ERO1B: variants seen among roughly 807,000 people sequenced by gnomAD.
ERO1B encodes the protein ERO1-like protein beta.
Under a neutral mutation model 75.3 loss-of-function variants are expected in ERO1B, and 49 were observed. The ratio of observed to expected loss-of-function variants is 0.65; its 90% confidence interval spans 0.52 to 0.83. The LOEUF (loss-of-function observed/expected upper bound fraction) is 0.83. Ranked by LOEUF, ERO1B falls within the 40% of genes least tolerant of loss-of-function variation. The probability of loss-of-function intolerance (pLI) is 0.00; values close to 1 mark genes in which losing one functional copy is unlikely to be tolerated. For missense variants in ERO1B, 512 were observed against 560.1 expected, an observed-to-expected ratio of 0.91 and a Z score of 0.87; for synonymous variants, 191 against 192.9, an observed-to-expected ratio of 0.99 and a Z score of 0.08.
intron 4 of ERO1B, among the ~76,000 whole-genome samples, chr1:236,250,751 C>T (rs1023422017): frequency 6.6e-6 from 1 of 151,462 alleles, no homozygotes; most frequent in Non-Finnish European, 1.5e-5. Flanking sequence ...CACACATACA[C>T]ACACACGTTT....
rs1663966509 is a variant in ERO1B, at chr1:236,216,063, A to C, written c.*2453T>G. On this transcript the variant is annotated 3_prime_UTR_variant, in exon 16 of 16. Transcript: ENST00000354619. ...AAGAATCAAAACAGGAGAAACATTC[A>C]AAGTTTACCAATTTTAATATATAGT... 6.6e-6 allele frequency: 1 copy of C among 152,186 alleles called. No homozygotes were observed. 9.4% of individuals were successfully genotyped at this position (152,186 alleles called of 1,614,324 possible).
chr1:236,257,145 G>A (rs144878190), intron 2 of ERO1B, among the ~76,000 whole-genome samples: 83 of 152,268 alleles, frequency 5.5e-4, no homozygotes, highest in East Asian at 4.2e-3. Context: ...CTAATTTCTT[G>A]GAGGCCACTA....
rs920097462 is a variant in ERO1B, at chr1:236,217,266, T to C, written c.*1250A>G. ...TTCTACACAGATGCAATCTTCCAAATTGTATCTGCTGACATTTAAAAAAAA... is the reference window on the plus strand; with the variant it reads ...TTCTACACAGATGCAATCTTCCAAACTGTATCTGCTGACATTTAAAAAAAA... On this transcript the variant is annotated 3_prime_UTR_variant, in exon 16 of 16. Coordinates refer to ENST00000354619, the MANE Select transcript of ERO1B (RefSeq NM_019891.4). The C allele has an allele frequency of 1.3e-5, 2 of 152,094 alleles. No homozygotes were observed. The highest frequency in any genetic ancestry group is 2.1e-4 in the South Asian group (1 of 4,830). 9.4% of individuals were successfully genotyped at this position (152,094 alleles called of 1,614,324 possible).
Position 236,216,893 on chromosome 1 carries a change from G to GA in ERO1B, c.*1622dup, listed in dbSNP as rs1167417143. Reference sequence around the variant, plus strand: ...ACCATACAATACTTGCAACCCTCAAGAAAAAGTAGAGGAGGCTCCAATCAA... The same window carrying GA: ...ACCATACAATACTTGCAACCCTCAAGAAAAAAGTAGAGGAGGCTCCAATCAA... On this transcript the variant is annotated 3_prime_UTR_variant, in exon 16 of 16. Coordinates refer to ENST00000354619, the MANE Select transcript of ERO1B (RefSeq NM_019891.4). The GA allele has an allele frequency of 6.6e-6, 1 of 151,346 alleles. No individual in the cohort carries two copies. The highest frequency in any genetic ancestry group is 1.5e-5 in the Non-Finnish European group (1 of 67,822). The allele number at this position is 151,346 out of a possible 1,614,324, so 9.4% of individuals were successfully genotyped here.
intron 1 of ERO1B, 131 bp from the exon 2 acceptor site, chr1:236,270,125 G>A: frequency 1.6e-6 from 1 of 620,062 alleles, no homozygotes; most frequent in Middle Eastern, 4.6e-4. Flanking sequence ...TAACATTAAA[G>A]CAGTCAACTT....
intron 5 of ERO1B, among the ~76,000 whole-genome samples, chr1:236,245,428 A>G (rs1272529234): frequency 9.4e-5 from 5 of 53,430 alleles, no homozygotes; most frequent in African/African-American, 4.1e-4. Context: ...ATATATACGT[A>G]TATATATACA....
At chr1:236,261,576 C>T (rs1442226417) in intron 2 of ERO1B, among the ~76,000 whole-genome samples, 1 of 152,092 alleles carries the variant, frequency 6.6e-6, no homozygotes, top group Non-Finnish European at 1.5e-5. Context: ...ATAGTTGTAA[C>T]TTTAACCAAG....
chr1:236,233,379 A>C (rs529496256), intron 8 of ERO1B, among the ~76,000 whole-genome samples: 2 of 151,452 alleles, frequency 1.3e-5, no homozygotes, highest in African/African-American at 4.8e-5. Context: ...TGGGAGGATC[A>C]CCAGGTCAGG....
intron 2 of ERO1B, among the ~76,000 whole-genome samples, chr1:236,254,492 G>C (rs1726652): frequency 0.25 from 37,725 of 152,028 alleles, 4,870 homozygotes; most frequent in East Asian, 0.38. Context: ...TCTGCAGCAA[G>C]CTCCACAAGG....
chr1:236,242,920 G>A (rs978056161), intron 6 of ERO1B, among the ~76,000 whole-genome samples: 1 of 152,164 alleles, frequency 6.6e-6, no homozygotes, highest in Non-Finnish European at 1.5e-5. Flanking sequence ...CTGTGGAGAA[G>A]TCGAATTAGA....
At chr1:236,265,197 C>T (rs16833537) in intron 2 of ERO1B, among the ~76,000 whole-genome samples, 1,630 of 152,060 alleles carry the variant, frequency 0.011, 29 homozygotes, top group African/African-American at 0.036. Context: ...TAGTGTTTCC[C>T]CATATGCAAG....
chr1:236,266,091 GTC>G (rs1308740468), intron 2 of ERO1B, among the ~76,000 whole-genome samples: 2 of 152,042 alleles, frequency 1.3e-5, no homozygotes, highest in Admixed American at 6.6e-5. Context: ...TTTATTGTTT[GTC>G]TCTCTTATCA....
intron 1 of ERO1B, among the ~76,000 whole-genome samples, chr1:236,278,665 T>C (rs1347609102): frequency 6.6e-6 from 1 of 152,168 alleles, no homozygotes; most frequent in Non-Finnish European, 1.5e-5. Context: ...AAAACTTACA[T>C]ATATCTAATT....
Position 236,250,618 on chromosome 1 carries a change from T to TATATGTATAG in ERO1B, c.349-652_349-651insCTATACATAT, listed in dbSNP as rs1491338079. Among the ~76,000 whole-genome samples the TATATGTATAG allele has an allele frequency of 5.6e-3, 620 of 110,142 alleles. 73 individuals carry two copies. Among genetic ancestry groups the TATATGTATAG allele is most frequent in the Non-Finnish European group, 9.0e-3 (468 of 51,932 alleles). The allele number at this position is 110,142 out of a possible 152,430, so 72.3% of individuals were successfully genotyped here. On this transcript the variant is annotated intron_variant, in intron 4 of 15. Transcript: ENST00000354619. ...ATATATATATATATATATATATATA[T>TATATGTATAG]CAAACGTGTGTGTGCAAACATATAT...
At chr1:236,245,866 A>T (rs1664874374) in intron 5 of ERO1B, among the ~76,000 whole-genome samples, 1 of 151,930 alleles carries the variant, frequency 6.6e-6, no homozygotes, top group South Asian at 2.1e-4. Context: ...TGCTAGGATT[A>T]CAGGCATGAG....
intron 2 of ERO1B, among the ~76,000 whole-genome samples, chr1:236,254,736 C>G (rs768033796): frequency 3.9e-5 from 6 of 152,042 alleles, no homozygotes; most frequent in Non-Finnish European, 8.8e-5. Context: ...CCTCAGCCCC[C>G]CAAGTAGCTG....
intron 2 of ERO1B, among the ~76,000 whole-genome samples, chr1:236,259,567 A>G (rs528160019): frequency 1.5e-4 from 23 of 152,220 alleles, no homozygotes; most frequent in Non-Finnish European, 3.2e-4. Flanking sequence ...GCAACTAGAA[A>G]CCAAAAGAGC....
intron 6 of ERO1B, among the ~76,000 whole-genome samples, chr1:236,237,116 CTTT>C (rs67072171): frequency 1.2e-3 from 129 of 105,448 alleles, no homozygotes; most frequent in African/African-American, 3.6e-3. Flanking sequence ...ACTATTTGGA[CTTT>C]TTTTTTTTTT....
chr1:236,256,577 T>C (rs1665166010), intron 2 of ERO1B, among the ~76,000 whole-genome samples: 1 of 152,232 alleles, frequency 6.6e-6, no homozygotes, highest in African/African-American at 2.4e-5. Context: ...GCACTCCCTG[T>C]GCCTTTCTCC....
Sources: gnomAD v4.1 joint callset for allele counts (sites outside exome capture counted in the v4.1 genomes callset) on GRCh38, gnomAD v4.1.1 for gene constraint, MANE v1.5 for transcripts, NCBI Gene and HGNC (gene_info 2026-07-23, HGNC 2026-07-21) for gene names.